The following HEATR1 variants were observed in gnomAD, a reference collection of about 807,000 sequenced individuals.
HEATR1 encodes the protein HEAT repeat-containing protein 1.
HEATR1 carries 77 observed loss-of-function variants against 248.2 expected under a neutral mutation model. The ratio of observed to expected loss-of-function variants is 0.31; its 90% CI spans 0.26 to 0.37. The LOEUF (loss-of-function observed/expected upper bound fraction) is 0.37. Among genes scored for constraint, HEATR1 ranks in the 10% least tolerant of loss-of-function variants. The pLI is 1.00. For synonymous variants in HEATR1, 897 were observed against 923.1 expected (o/e 0.97, Z 0.51); for missense variants, 2,420 against 2,504.9 (o/e 0.97, Z 0.72).
chr1:236,566,234 G>A (rs1027426966), intron 30 of HEATR1, among the ~76,000 whole-genome samples, 189 bp from the exon 31 acceptor site: 1 of 152,062 alleles, frequency 6.6e-6, no homozygotes, highest in Non-Finnish European at 1.5e-5. Flanking sequence ...TCCAAACAGG[G>A]CTTTATCCAA....
In HEATR1 at chr1:236,592,180, T is replaced by A. The variant is rs186020929; in HGVS notation, c.1305-70A>T. ...ATTAATCTCATACACCATACACATA[T>A]AAAGGAAAGACATAAAATCTTAAAA... On this transcript the variant is annotated intron_variant, in intron 10 of 44. Transcript: ENST00000366582. 10 of 794,536 alleles carry A rather than the reference T, an allele frequency of 1.3e-5. No individual in the cohort carries two copies. In the Admixed American group the frequency reaches 2.4e-4, roughly 19 times the overall value. 49.2% of individuals were successfully genotyped at this position (794,536 alleles called of 1,614,324 possible).
chr1:236,572,066 T>C (rs565860039), intron 26 of HEATR1, among the ~76,000 whole-genome samples: 1 of 152,180 alleles, frequency 6.6e-6, no homozygotes, highest in East Asian at 1.9e-4. Flanking sequence ...TATATGAAAA[T>C]ATATTTAGAT....
At chr1:236,582,527 C>T (rs1393454339) in intron 19 of HEATR1, among the ~76,000 whole-genome samples, 1 of 152,116 alleles carries the variant, frequency 6.6e-6, no homozygotes, top group African/African-American at 2.4e-5. Context: ...CCTCTGCCTC[C>T]CAAGTGGCTG....
chr1:236,578,788 G>C (rs981831455), intron 20 of HEATR1, among the ~76,000 whole-genome samples: 3 of 152,042 alleles, frequency 2.0e-5, no homozygotes, highest in Non-Finnish European at 4.4e-5. Context: ...TTTAAATAAA[G>C]AATCTGGAAG....
chr1:236,568,355 T>C (rs1305934989), intron 29 of HEATR1, among the ~76,000 whole-genome samples: 1 of 152,204 alleles, frequency 6.6e-6, no homozygotes, highest in African/African-American at 2.4e-5. Flanking sequence ...ATACTAAGGT[T>C]AAAAGAAGGT....
At chr1:236,568,723 T>A (rs1218629960) in intron 29 of HEATR1, among the ~76,000 whole-genome samples, 1 of 152,120 alleles carries the variant, frequency 6.6e-6, no homozygotes, top group Non-Finnish European at 1.5e-5. Context: ...TTAAGACACT[T>A]ACAGTTACAC....
chr1:236,592,725 C>A (rs1260394340), intron 9 of HEATR1, 92 bp from the exon 10 acceptor site: 3 of 577,404 alleles, frequency 5.2e-6, no homozygotes, highest in Non-Finnish European at 9.4e-6. Flanking sequence ...AATATTATCT[C>A]TAATTGTCAT....
intron 2 of HEATR1, 37 bp downstream of exon 2, chr1:236,603,917 G>A: frequency 1.3e-6 from 2 of 1,571,502 alleles, no homozygotes; most frequent in East Asian, 2.3e-5. Context: ...GAAAACAAAC[G>A]CTTCCAAGAG....
intron 20 of HEATR1, among the ~76,000 whole-genome samples, chr1:236,579,155 C>G (rs1292262925): frequency 6.6e-6 from 1 of 152,156 alleles, no homozygotes; most frequent in Non-Finnish European, 1.5e-5. Context: ...CAATATGACA[C>G]AAGTGGAAAA....
In HEATR1 at chr1:236,555,597, ATGGCTAC is replaced by A. The variant is rs1225453776; in HGVS notation, c.5701_5707del (p.Val1901TrpfsTer32). 1 of 1,614,126 alleles carries A rather than the reference ATGGCTAC, an allele frequency of 6.2e-7. No individual in the cohort carries two copies. The highest frequency in any genetic ancestry group is 8.5e-7 in the Non-Finnish European group (1 of 1,180,054). ...TGTGACCTCGGAAAGTTTGACAACCATGGCTACTAGACAGTCAATGATACAATTTTCC... is the reference window on the plus strand; with the variant it reads ...TGTGACCTCGGAAAGTTTGACAACCATAGACAGTCAATGATACAATTTTCC... On this transcript the variant is annotated frameshift_variant, in exon 40 of 45. Transcript: ENST00000366582. LOFTEE classifies it high-confidence loss of function.
At position 236,585,232 on chromosome 1, in the gene HEATR1, C is replaced by T. The variant is rs754529558; in HGVS notation, c.2050-16G>A. On this transcript the variant is annotated splice_polypyrimidine_tract_variant and intron_variant, in intron 16 of 44. Transcript: ENST00000366582. ...AATCCTCCACCTTGAAAAATAAACACACTCTATTACCAGTTGCTCTTGATT... is the reference window on the plus strand; with the variant it reads ...AATCCTCCACCTTGAAAAATAAACATACTCTATTACCAGTTGCTCTTGATT... The T allele has an allele frequency of 1.3e-6, 2 of 1,596,818 alleles. No individual in the cohort carries two copies. The highest frequency in any genetic ancestry group is 2.2e-5 in the East Asian group (1 of 44,732).
At chr1:236,593,584 GA>G (rs534009257) in intron 9 of HEATR1, among the ~76,000 whole-genome samples, 37,617 of 91,364 alleles carry the variant, frequency 0.41, 5,033 homozygotes, top group Non-Finnish European at 0.47. Flanking sequence ...CCCATTAAGA[GA>G]AAAAAAAAAA....
intron 3 of HEATR1, among the ~76,000 whole-genome samples, chr1:236,602,531 C>G (rs1363047744): frequency 6.6e-6 from 1 of 152,210 alleles, no homozygotes; most frequent in Admixed American, 6.5e-5. Context: ...GCCTGCTTCC[C>G]CAACCATCTT....
At chr1:236,578,553 G>A (rs1055144140) in intron 20 of HEATR1, among the ~76,000 whole-genome samples, 1 of 152,150 alleles carries the variant, frequency 6.6e-6, no homozygotes, top group African/African-American at 2.4e-5. Context: ...CACTTTATGG[G>A]TTTTGTCCTT....
intron 32 of HEATR1, among the ~76,000 whole-genome samples, chr1:236,562,381 T>C (rs1046319616): frequency 6.6e-6 from 1 of 152,218 alleles, no homozygotes; most frequent in African/African-American, 2.4e-5. Flanking sequence ...TGAACTGTTG[T>C]TTTTTACAAT....
In HEATR1 at chr1:236,586,462, A is replaced by G. The variant is rs1266200420; in HGVS notation, c.1716-10T>C. ...CTTAAGTACCTCGTACCTAAAAGAC[A>G]TGCAAGCACACTTGGTTGAAAGACA... On this transcript the variant is annotated splice_polypyrimidine_tract_variant and intron_variant, in intron 14 of 44. Coordinates refer to ENST00000366582, the MANE Select transcript of HEATR1 (RefSeq NM_018072.6). 2 of 1,583,090 alleles carry G rather than the reference A, an allele frequency of 1.3e-6. No homozygotes were observed.
At chr1:236,560,620 G>A (rs1572034256) in intron 33 of HEATR1, among the ~76,000 whole-genome samples, 1 of 152,232 alleles carries the variant, frequency 6.6e-6, no homozygotes, top group African/African-American at 2.4e-5. Context: ...CTTTCCAGTG[G>A]AAGGGGCAGG....
chr1:236,562,339 A>C (rs1390914688), intron 32 of HEATR1, among the ~76,000 whole-genome samples: 4 of 152,214 alleles, frequency 2.6e-5, no homozygotes, highest in African/African-American at 9.7e-5. Flanking sequence ...TCCAGTCACA[A>C]TCATGTTCTC....
At chr1:236,559,618 G>T in intron 34 of HEATR1, 96 bp downstream of exon 34, 2 of 1,330,560 alleles carry the variant, frequency 1.5e-6, no homozygotes, top group South Asian at 1.6e-5. Context: ...TTCATAAAAG[G>T]AATTGCTAAG....
Sources: gnomAD v4.1 joint callset for allele counts (sites outside exome capture counted in the v4.1 genomes callset) on GRCh38, gnomAD v4.1.1 for gene constraint, MANE v1.5 for transcripts, NCBI Gene and HGNC (gene_info 2026-07-23, HGNC 2026-07-21) for gene names.